MLIP: variants seen among roughly 807,000 people sequenced by gnomAD.
The protein encoded by MLIP is muscular LMNA-interacting protein.
In MLIP, 79 loss-of-function variants were observed where a neutral mutation model predicts 84.8. The ratio of observed to expected loss-of-function variants is 0.93; its 90% CI spans 0.78 to 1.12. The LOEUF is 1.12. Ranked by LOEUF, MLIP falls within the 50% of genes most tolerant of loss-of-function variation. The probability of loss-of-function intolerance (pLI) is 0.00; values close to 1 mark genes in which losing one functional copy is unlikely to be tolerated. For synonymous variants in MLIP, 504 were observed against 463.0 expected (o/e 1.09, Z -1.14); for missense variants, 1,257 against 1,160.6 (o/e 1.08, Z -1.21).
At chr6:54,121,271 G>T (rs887306176) in intron 1 of MLIP, among the ~76,000 whole-genome samples, 176 bp from the exon 2 acceptor site, 1 of 152,060 alleles carries the variant, frequency 6.6e-6, no homozygotes, top group Non-Finnish European at 1.5e-5. Flanking sequence ...TCATAAAAAA[G>T]GTTCTGATTC....
chr6:54,180,676 C>T (rs964345028), intron 9 of MLIP, among the ~76,000 whole-genome samples: 2 of 152,068 alleles, frequency 1.3e-5, no homozygotes, highest in African/African-American at 4.8e-5. Context: ...AGTATTTCTG[C>T]TTGATTTTGT....
chr6:54,053,556 A>C (rs1765488268), intron 1 of MLIP, among the ~76,000 whole-genome samples: 1 of 152,236 alleles, frequency 6.6e-6, no homozygotes, highest in South Asian at 2.1e-4. Flanking sequence ...TTACCATAGC[A>C]GGTGGTTGTG....
intron 12 of MLIP, among the ~76,000 whole-genome samples, chr6:54,256,323 C>T (rs897488719): frequency 3.9e-5 from 6 of 152,140 alleles, no homozygotes; most frequent in East Asian, 1.9e-4. Context: ...CCTGGGTAGG[C>T]TAAATTACTG....
At chr6:54,072,894 C>G (rs1176183274) in intron 1 of MLIP, among the ~76,000 whole-genome samples, 2 of 152,220 alleles carry the variant, frequency 1.3e-5, no homozygotes, top group African/African-American at 4.8e-5. Context: ...CAAAGAGATA[C>G]TTTTCAAGCA....
intron 1 of MLIP, among the ~76,000 whole-genome samples, chr6:54,062,841 A>G (rs150782574): frequency 1.0e-3 from 158 of 152,344 alleles, no homozygotes; most frequent in Non-Finnish European, 1.6e-3. Context: ...TCGAGTGCCT[A>G]TCACAAAGTG....
chr6:54,038,087 T>G (rs1465634538), intron 1 of MLIP, among the ~76,000 whole-genome samples: 1 of 151,934 alleles, frequency 6.6e-6, no homozygotes, highest in Non-Finnish European at 1.5e-5. Flanking sequence ...TCCTAACATG[T>G]GGTATGAGTA....
intron 1 of MLIP, among the ~76,000 whole-genome samples, chr6:54,116,019 G>A (rs1487053649): frequency 3.3e-5 from 5 of 152,114 alleles, no homozygotes. Context: ...TTTGAGAGTT[G>A]GAGCAGGGTG....
At chr6:54,101,477 A>G (rs1403407498) in intron 1 of MLIP, among the ~76,000 whole-genome samples, 1 of 152,108 alleles carries the variant, frequency 6.6e-6, no homozygotes, top group Non-Finnish European at 1.5e-5. Context: ...CCCCTTTTAT[A>G]AAAATAGAAC....
chr6:54,070,124 T>C (rs1267571078), intron 1 of MLIP, among the ~76,000 whole-genome samples: 2 of 152,194 alleles, frequency 1.3e-5, no homozygotes, highest in Non-Finnish European at 1.5e-5. Context: ...CTCTCTGTTG[T>C]GTTAAGTGTT....
intron 1 of MLIP, among the ~76,000 whole-genome samples, chr6:54,099,344 C>A (rs1414099331): frequency 6.6e-6 from 1 of 152,044 alleles, no homozygotes; most frequent in Non-Finnish European, 1.5e-5. Context: ...GTCTTCATAG[C>A]AAAACATTTT....
chr6:54,154,521 C>G (rs1442733204), intron 5 of MLIP, among the ~76,000 whole-genome samples: 1 of 152,072 alleles, frequency 6.6e-6, no homozygotes, highest in Non-Finnish European at 1.5e-5. Context: ...ATTTGATGCT[C>G]AAAGAAGCCA....
At chr6:54,070,467 G>A (rs1040400108) in intron 1 of MLIP, among the ~76,000 whole-genome samples, 1 of 152,152 alleles carries the variant, frequency 6.6e-6, no homozygotes, top group Admixed American at 6.6e-5. Context: ...GATAGCTAAT[G>A]TAATGTGCCT....
chr6:54,224,420 C>T (rs1286558133), intron 11 of MLIP, among the ~76,000 whole-genome samples: 1 of 149,380 alleles, frequency 6.7e-6, no homozygotes, highest in African/African-American at 2.5e-5. Flanking sequence ...AAAAGAAAAA[C>T]TGAAAAAAAA....
rs761196746 is a variant in MLIP at position 54,215,214 on chromosome 6, C to T, written c.2718+12981C>T. On this transcript the variant is annotated intron_variant, in intron 11 of 13. Transcript: ENST00000502396. The stretch of plus-strand genomic sequence containing the variant: ...CTTGGCTCCTCTGATCATTGAGGAA[C>T]CCTATCCTTGTGGCTAGTTACTGTA... The T allele has an allele frequency of 7.2e-6, 11 of 1,533,390 alleles. No individual in the cohort carries two copies. The South Asian group carries it at 1.2e-4, about 17-fold the overall frequency. The allele number at this position is 1,533,390 out of a possible 1,614,324, so 95.0% of individuals were successfully genotyped here.
At chr6:54,027,374 TACACACACACACACACAC>T (rs70980886) in intron 1 of MLIP, among the ~76,000 whole-genome samples, 20,396 of 148,562 alleles carry the variant, frequency 0.14, 1,855 homozygotes, top group South Asian at 0.23. Context: ...ATAAAAAAAA[TACACACACACACACACAC>T]ACACACACAC....
intron 1 of MLIP, among the ~76,000 whole-genome samples, chr6:54,038,308 C>T (rs1226729267): frequency 2.6e-5 from 4 of 151,894 alleles, no homozygotes; most frequent in Non-Finnish European, 5.9e-5. Context: ...ATCTCAGAAG[C>T]ACCTTGTTCA....
chr6:54,048,028 G>T (rs950292504), intron 1 of MLIP, among the ~76,000 whole-genome samples: 1 of 152,154 alleles, frequency 6.6e-6, no homozygotes, highest in Non-Finnish European at 1.5e-5. Context: ...GCAGTGCATA[G>T]GACCCCTCTT....
intron 10 of MLIP, among the ~76,000 whole-genome samples, chr6:54,191,083 T>A (rs1175937979): frequency 6.6e-6 from 1 of 152,006 alleles, no homozygotes; most frequent in Non-Finnish European, 1.5e-5. Context: ...GTGTGAGCCA[T>A]CGCGCCCGGC....
At chr6:54,209,704 G>A (rs1317101096) in intron 11 of MLIP, among the ~76,000 whole-genome samples, 1 of 152,122 alleles carries the variant, frequency 6.6e-6, no homozygotes, top group Non-Finnish European at 1.5e-5. Flanking sequence ...CCTTTAGAGG[G>A]AAGATCCTCA....
Sources: gnomAD v4.1 joint callset for allele counts (sites outside exome capture counted in the v4.1 genomes callset) on GRCh38, gnomAD v4.1.1 for gene constraint, MANE v1.5 for transcripts, NCBI Gene and HGNC (gene_info 2026-07-23, HGNC 2026-07-21) for gene names.